VWCE: variants seen among roughly 807,000 people sequenced by gnomAD.
VWCE encodes von Willebrand factor C and EGF domain-containing protein.
A neutral mutation model predicts 102.9 loss-of-function variants in VWCE; 68 were observed. That is an observed-to-expected ratio of 0.66 (90% CI 0.54 to 0.81). The LOEUF (loss-of-function observed/expected upper bound fraction) is 0.81. Ranked by LOEUF, VWCE falls within the 30% of genes least tolerant of loss-of-function variation. The pLI is 0.00. For missense variants in VWCE, 1,137 were observed against 1,263.6 expected, an observed-to-expected ratio of 0.90 and a Z score of 1.52; for synonymous variants, 497 against 515.4, an observed-to-expected ratio of 0.96 and a Z score of 0.48.
At chr11:61,268,818 T>C in intron 15 of VWCE, 104 bp downstream of exon 15, 3 of 1,167,594 alleles carry the variant, frequency 2.6e-6, no homozygotes, top group South Asian at 1.3e-5. Context: ...GGGTTGTCCC[T>C]TGGGGTTGTT....
At position 61,294,242 on chromosome 11, in the gene VWCE, C is replaced by G. The variant is rs895522558; in HGVS notation, c.110+686G>C. Among the ~76,000 whole-genome samples, 3 of 152,188 alleles carry G rather than the reference C, an allele frequency of 2.0e-5. No homozygotes were observed. The highest frequency in any genetic ancestry group is 6.5e-5 in the Admixed American group (1 of 15,290). On this transcript the variant is annotated intron_variant, in intron 1 of 19. Coordinates refer to ENST00000335613, the MANE Select transcript of VWCE (RefSeq NM_152718.2). The surrounding 1 kb of genome is among the most constrained non-coding windows in gnomAD (Gnocchi z 6.3). ...GTGGAACACACGTGTGAGCTACAAG[C>G]CTGGCCGGGCCGCCCCCGCTGCGCG...
At chr11:61,285,737 A>G (rs1035563863) in intron 5 of VWCE, among the ~76,000 whole-genome samples, 2 of 151,892 alleles carry the variant, frequency 1.3e-5, no homozygotes, top group African/African-American at 4.8e-5. Context: ...CCATCCCTTT[A>G]TCCTGCAACA....
At chr11:61,288,473 A>G (rs1162474349) in intron 4 of VWCE, among the ~76,000 whole-genome samples, 1 of 150,734 alleles carries the variant, frequency 6.6e-6, no homozygotes, top group Non-Finnish European at 1.5e-5. Context: ...GCAGCTACCC[A>G]CTCTTCCCAA....
Position 61,281,111 on chromosome 11 carries a change from A to G in VWCE, c.912T>C (p.Ser304=). 6.2e-7 allele frequency: 1 copy of G among 1,611,888 alleles called. No homozygotes were observed. Among genetic ancestry groups the G allele is most frequent in the Non-Finnish European group, 8.5e-7 (1 of 1,179,018 alleles). Residue 304 remains serine, a synonymous_variant, in exon 8 of 20, where the codon TCT becomes TCC. Coordinates refer to ENST00000335613, the MANE Select transcript of VWCE (RefSeq NM_152718.2). ...PALSPGHSPP[S]GAPGPPAGVR... ...CTCCGGCTGGGGGCCCTGGAGCCCC[A>G]GAAGGAGGGCTATGTCCTGGGGACA...
Position 61,281,788 on chromosome 11 carries a change from T to G in VWCE, c.785A>C (p.Glu262Ala). The G allele has an allele frequency of 6.2e-7, 1 of 1,611,630 alleles. No individual in the cohort carries two copies. The highest frequency in any genetic ancestry group is 8.5e-7 in the Non-Finnish European group (1 of 1,178,590). ...GGATGGAGGGGCCTGGCGCTCACCT[T>G]CACAGGACACGCGGTCAGCTCGGAG... ...FRLRADRVSC[E>A]AFPKAVLAPS... Residue 262 changes from glutamate (E) to alanine (A), a missense_variant and splice_region_variant, in exon 7 of 20, where the codon GAA (glutamate) becomes GCA (alanine). Physicochemically the swap from Glu to Ala is moderately radical, Grantham distance 107 (BLOSUM62 -1). This residue lies in a region of VWCE where 575 missense variants were observed against 625.9 expected (regional missense o/e 0.92). Transcript: ENST00000335613.
Position 61,271,765 on chromosome 11 carries a change from A to C in VWCE, c.1700-5T>G, listed in dbSNP as rs201767350. On this transcript the variant is annotated splice_polypyrimidine_tract_variant and splice_region_variant and intron_variant, in intron 13 of 19. Coordinates refer to ENST00000335613, the MANE Select transcript of VWCE (RefSeq NM_152718.2). ...CGTTGTCGTCAAGAGAGCAGCCTGG[A>C]TGAGGACAATGGCAGAGAAAAGACG... is the stretch of plus-strand genomic sequence containing the variant. 2.5e-6 allele frequency: 4 copies of C among 1,612,664 alleles called. No individual in the cohort carries two copies. Among genetic ancestry groups the C allele is most frequent in the Admixed American group, 3.3e-5 (2 of 59,822 alleles).
intron 4 of VWCE, among the ~76,000 whole-genome samples, chr11:61,290,277 C>T (rs1436162981): frequency 2.6e-5 from 4 of 152,084 alleles, no homozygotes; most frequent in East Asian, 1.9e-4. Flanking sequence ...TTTGGGAGTC[C>T]GAGGTGGGTG....
At chr11:61,292,038 C>T (rs1455731625) in intron 1 of VWCE, among the ~76,000 whole-genome samples, 1 of 152,174 alleles carries the variant, frequency 6.6e-6, no homozygotes, top group Non-Finnish European at 1.5e-5. Context: ...GCCTGGGCAA[C>T]ATGGTGAAAC....
chr11:61,264,703 G>T, intron 18 of VWCE, 126 bp from the exon 19 acceptor site: 2 of 1,090,214 alleles, frequency 1.8e-6, no homozygotes, highest in Non-Finnish European at 2.7e-6. Context: ...AGGCTGCAGT[G>T]CCTGAGCCCT....
chr11:61,273,651 A>G (rs1486211062), intron 12 of VWCE: 3 of 259,498 alleles, frequency 1.2e-5, no homozygotes, highest in Admixed American at 5.0e-5. Context: ...AAAGCCCTCA[A>G]TGCAGCTGGT....
At chr11:61,272,978 C>A (rs1442946182) in intron 13 of VWCE, among the ~76,000 whole-genome samples, 4 of 152,010 alleles carry the variant, frequency 2.6e-5, no homozygotes, top group African/African-American at 9.7e-5. Context: ...CACACCAACA[C>A]ACAGATAACC....
intron 10 of VWCE, among the ~76,000 whole-genome samples, chr11:61,277,090 A>G (rs1389050088): frequency 7.1e-6 from 1 of 141,596 alleles, no homozygotes; most frequent in Admixed American, 7.2e-5. Flanking sequence ...AGAGGAAGGA[A>G]GAGAGAAACA....
intron 4 of VWCE, among the ~76,000 whole-genome samples, chr11:61,288,784 C>T (rs1855408823): frequency 6.6e-6 from 1 of 151,738 alleles, no homozygotes; most frequent in Non-Finnish European, 1.5e-5. Context: ...TTGGACCCAA[C>T]AGCGTCCTTC....
Position 61,276,699 on chromosome 11 carries a change from A to T in VWCE, c.1408-19T>A, listed in dbSNP as rs1411855204. ...TTCCAGCCTGAGGAGGAGGCAAGAG[A>T]GGGCACTGGGGGTGCGGGTGTGGAA... is the stretch of plus-strand genomic sequence containing the variant. On this transcript the variant is annotated intron_variant, in intron 10 of 19. Transcript: ENST00000335613. The T allele has an allele frequency of 1.3e-6, 2 of 1,584,140 alleles. No homozygotes were observed. Among genetic ancestry groups the T allele is most frequent in the African/African-American group, 1.4e-5 (1 of 73,426 alleles).
intron 14 of VWCE, chr11:61,271,458 T>A (rs1195751066): frequency 1.7e-5 from 8 of 474,546 alleles, no homozygotes. Flanking sequence ...AATACACACT[T>A]CTTAAGGCCA....
intron 14 of VWCE, among the ~76,000 whole-genome samples, chr11:61,270,398 T>C (rs1854649469): frequency 6.6e-6 from 1 of 152,186 alleles, no homozygotes. Context: ...GCAAGGGACC[T>C]CATTTTGAGA....
In VWCE at chr11:61,290,957, C is replaced by T. The variant is rs571237838; in HGVS notation, c.296-30G>A. On this transcript the variant is annotated intron_variant, in intron 3 of 19. Coordinates refer to ENST00000335613, the MANE Select transcript of VWCE (RefSeq NM_152718.2). ...AGCAGGCATCACACCAGTGAGCATGCACCCCGTGGCAGTCCCAACCATCCC... is the reference window on the plus strand; with the variant it reads ...AGCAGGCATCACACCAGTGAGCATGTACCCCGTGGCAGTCCCAACCATCCC... The T allele has an allele frequency of 2.5e-6, 4 of 1,596,972 alleles. No homozygotes were observed. The South Asian group carries it at 4.4e-5, about 18-fold the overall frequency.
chr11:61,289,090 G>A (rs963298520), intron 4 of VWCE, among the ~76,000 whole-genome samples: 7 of 151,866 alleles, frequency 4.6e-5, no homozygotes, highest in East Asian at 1.9e-4. Context: ...CACCCACCTC[G>A]GCCTCCCAAA....
Position 61,264,995 on chromosome 11 carries a change from G to T in VWCE, c.2100C>A (p.Phe700Leu). 1 of 1,614,100 alleles carries T rather than the reference G, an allele frequency of 6.2e-7. No homozygotes were observed. Among genetic ancestry groups the T allele is most frequent in the South Asian group, 1.1e-5 (1 of 91,068 alleles). The change falls in exon 18 of 20, where the codon TTC (phenylalanine) becomes TTA (leucine). Residue 700 changes from phenylalanine (F) to leucine (L), a missense_variant. By Grantham distance (22) the Phe-to-Leu change is conservative. Around this residue, in one of 5 missense-constraint regions of VWCE, gnomAD observed 29 missense variants for 62.9 expected, o/e 0.46. Coordinates refer to ENST00000335613, the MANE Select transcript of VWCE (RefSeq NM_152718.2). ...GGGTGCAGGGTTCATCATCCAAGGT[G>T]AACACCTGGCCATTCGCCACCTTCC... Reference protein sequence around the residue: ...EGRKVANGQVFTLDDEPCTRC... With the variant: ...EGRKVANGQVLTLDDEPCTRC...
Sources: gnomAD v4.1 joint callset for allele counts (sites outside exome capture counted in the v4.1 genomes callset) on GRCh38, gnomAD v4.1.1 for gene constraint, gnomAD v4.1.1 regional missense constraint, Gnocchi (gnomAD v3.1) non-coding constraint, MANE v1.5 for transcripts, NCBI Gene and HGNC (gene_info 2026-07-23, HGNC 2026-07-21) for gene names.